SH3BGRL2: variants seen among roughly 807,000 people sequenced by gnomAD.
The protein encoded by SH3BGRL2 is SH3 domain-binding glutamic acid-rich-like protein 2.
A neutral mutation model predicts 14.8 loss-of-function variants in SH3BGRL2; 21 were observed. That is an observed-to-expected ratio of 1.42 (90% confidence interval 1.01 to 2.05). The LOEUF (loss-of-function observed/expected upper bound fraction) is 2.05. Among genes scored for constraint, SH3BGRL2 ranks in the 30% most tolerant of loss-of-function variants. The pLI is 0.00. For missense variants in SH3BGRL2, 147 were observed against 130.8 expected (o/e 1.12, Z -0.61); for synonymous variants, 50 against 47.8 (o/e 1.05, Z -0.19).
rs916317973 is a variant in SH3BGRL2 at position 79,700,305 on chromosome 6, C to T, written c.*796C>T. The T allele has an allele frequency of 4.6e-5, 7 of 152,040 alleles. No homozygotes were observed. Among genetic ancestry groups the T allele is most frequent in the African/African-American group, 7.2e-5 (3 of 41,396 alleles). 9.4% of individuals were successfully genotyped at this position (152,040 alleles called of 1,614,324 possible). On this transcript the variant is annotated 3_prime_UTR_variant, in exon 4 of 4. Transcript: ENST00000369838. ...GTGAATATATAGGAAAATTATCTGACGAGTATCTGAAGGCATTTTCAGCTC... is the reference window on the plus strand; with the variant it reads ...GTGAATATATAGGAAAATTATCTGATGAGTATCTGAAGGCATTTTCAGCTC...
At chr6:79,691,979 A>C (rs986996055) in intron 2 of SH3BGRL2, among the ~76,000 whole-genome samples, 11 of 152,016 alleles carry the variant, frequency 7.2e-5, no homozygotes, top group African/African-American at 2.2e-4. Context: ...CCAACAGTGT[A>C]AAAGTGTTCC....
chr6:79,672,014 C>T lies in SH3BGRL2; in HGVS notation c.46-1600C>T, dbSNP rs116056685. On this transcript the variant is annotated intron_variant, in intron 1 of 3. Transcript: ENST00000369838. ...TACCTGTTTTGTTTTTTCATGTCTT[C>T]TTTTTAATCATCTGCCCTTTCTTAT... Among the ~76,000 whole-genome samples, 1,104 of 152,248 alleles carry T rather than the reference C, an allele frequency of 7.3e-3. 12 individuals are homozygous for T. Among genetic ancestry groups the T allele is most frequent in the African/African-American group, 0.025 (1,020 of 41,544 alleles).
chr6:79,601,305 C>T, the SH3BGRL2 span, among the ~76,000 whole-genome samples: 6 of 152,200 alleles, frequency 3.9e-5, no homozygotes, highest in African/African-American at 1.4e-4. Flanking sequence ...CCTCCTGCCT[C>T]AGCCTCCCAA....
chr6:79,627,673 C>T (rs1203049261), upstream of SH3BGRL2, among the ~76,000 whole-genome samples: 1 of 152,138 alleles, frequency 6.6e-6, no homozygotes, highest in Admixed American at 6.5e-5. Context: ...CAGTTTTGTA[C>T]TATTCTGGTT....
At chr6:79,544,882 A>C in the SH3BGRL2 span, among the ~76,000 whole-genome samples, 1 of 152,220 alleles carries the variant, frequency 6.6e-6, no homozygotes, top group African/African-American at 2.4e-5. Flanking sequence ...TAAATGTCTA[A>C]AACATTACTT....
At chr6:79,677,340 A>G (rs1461778495) in intron 2 of SH3BGRL2, among the ~76,000 whole-genome samples, 1 of 152,166 alleles carries the variant, frequency 6.6e-6, no homozygotes, top group Non-Finnish European at 1.5e-5. Flanking sequence ...AACAGCTGCT[A>G]AGCTACTTGG....
chr6:79,647,057 G>A (rs1181024372), intron 1 of SH3BGRL2, among the ~76,000 whole-genome samples: 3 of 152,288 alleles, frequency 2.0e-5, no homozygotes, highest in Admixed American at 6.5e-5. Context: ...CATATACCTA[G>A]GGGTGGAATT....
At chr6:79,624,400 G>C in the SH3BGRL2 span, among the ~76,000 whole-genome samples, 58 of 151,364 alleles carry the variant, frequency 3.8e-4, no homozygotes, top group African/African-American at 1.4e-3. Context: ...AGATGACTAG[G>C]AGAGTCCTAC....
chr6:79,580,232 A>G, the SH3BGRL2 span, among the ~76,000 whole-genome samples: 1 of 152,196 alleles, frequency 6.6e-6, no homozygotes, highest in Non-Finnish European at 1.5e-5. Context: ...ACTTAGATCA[A>G]AGAGACAGAA....
chr6:79,602,688 T>G, the SH3BGRL2 span, among the ~76,000 whole-genome samples: 1 of 152,196 alleles, frequency 6.6e-6, no homozygotes, highest in Non-Finnish European at 1.5e-5. Flanking sequence ...CTATCTGGGC[T>G]TATGTGACCT....
the SH3BGRL2 span, among the ~76,000 whole-genome samples, chr6:79,590,427 A>T: frequency 1.2e-3 from 61 of 50,798 alleles, no homozygotes; most frequent in African/African-American, 3.4e-3. Flanking sequence ...AAAATGTGAT[A>T]TATATATATA....
chr6:79,683,785 T>G (rs1408207825), intron 2 of SH3BGRL2, among the ~76,000 whole-genome samples: 2 of 152,212 alleles, frequency 1.3e-5, no homozygotes. Flanking sequence ...TTCCGTAGTC[T>G]GCCCCTGCTC....
intron 2 of SH3BGRL2, among the ~76,000 whole-genome samples, chr6:79,689,860 G>T (rs2812701): frequency 0.81 from 123,430 of 152,078 alleles, 50,226 homozygotes; most frequent in East Asian, 0.98. Context: ...ACCACCTAAA[G>T]CTTTTGAAAG....
At chr6:79,634,255 C>T (rs1421204747) in intron 1 of SH3BGRL2, among the ~76,000 whole-genome samples, 5 of 152,186 alleles carry the variant, frequency 3.3e-5, no homozygotes, top group Non-Finnish European at 1.5e-5. Context: ...GGAATGATTC[C>T]TCTTTTGTCT....
At chr6:79,573,376 A>C in the SH3BGRL2 span, among the ~76,000 whole-genome samples, 5 of 152,028 alleles carry the variant, frequency 3.3e-5, no homozygotes, top group Non-Finnish European at 7.4e-5. Context: ...TGCTAATACC[A>C]CACTATTGTA....
At chr6:79,537,655 G>A in the SH3BGRL2 span, among the ~76,000 whole-genome samples, 6 of 152,312 alleles carry the variant, frequency 3.9e-5, no homozygotes, top group South Asian at 1.2e-3. Flanking sequence ...GCTGTGCGGT[G>A]CCAGGGCTCG....
At chr6:79,685,004 C>T (rs958663572) in intron 2 of SH3BGRL2, among the ~76,000 whole-genome samples, 24 of 152,270 alleles carry the variant, frequency 1.6e-4, no homozygotes, top group Middle Eastern at 6.8e-3. Flanking sequence ...GCTGCATGCC[C>T]GGAAGCACAG....
At chr6:79,614,547 C>T in the SH3BGRL2 span, among the ~76,000 whole-genome samples, 1 of 152,112 alleles carries the variant, frequency 6.6e-6, no homozygotes, top group African/African-American at 2.4e-5. Flanking sequence ...AGGAGGACAC[C>T]CTTGGGCCTT....
the SH3BGRL2 span, among the ~76,000 whole-genome samples, chr6:79,552,348 T>A: frequency 1.3e-5 from 2 of 152,232 alleles, no homozygotes; most frequent in African/African-American, 4.8e-5. Flanking sequence ...AGAAAAACCT[T>A]GTGGCAGTTA....
Sources: gnomAD v4.1 joint callset for allele counts (sites outside exome capture counted in the v4.1 genomes callset) on GRCh38, gnomAD v4.1.1 for gene constraint, MANE v1.5 for transcripts, NCBI Gene and HGNC (gene_info 2026-07-23, HGNC 2026-07-21) for gene names.